EXOC3: variants seen among roughly 807,000 people sequenced by gnomAD.
EXOC3 encodes SEC6-like 1.
A neutral mutation model predicts 73.7 loss-of-function variants in EXOC3; 21 were observed. That is an observed-to-expected ratio of 0.29 (90% CI 0.20 to 0.41). The LOEUF (loss-of-function observed/expected upper bound fraction) is 0.41. Among genes scored for constraint, EXOC3 ranks in the 10% least tolerant of loss-of-function variants. EXOC3 has a pLI of 1.00. For synonymous variants in EXOC3, 410 were observed against 389.1 expected, an observed-to-expected ratio of 1.05 and a Z score of -0.63; for missense variants, 842 against 985.1, an observed-to-expected ratio of 0.85 and a Z score of 1.95.
rs541051033 is a variant in EXOC3, at chr5:465,853, A to G, written c.2066+8A>G. On this transcript the variant is annotated splice_region_variant and intron_variant, in intron 12 of 12. Coordinates refer to ENST00000512944, the MANE Select transcript of EXOC3 (RefSeq NM_007277.5). ...CAAGTATCCAGACATCAGGTAAGGG[A>G]TGCACGTCTTAGAATCCTGCCTTAG... 2.5e-6 allele frequency: 4 copies of G among 1,606,542 alleles called. No homozygotes were observed. The African/African-American group carries it at 5.3e-5, about 21-fold the overall frequency.
intron 12 of EXOC3, 128 bp downstream of exon 12, chr5:465,973 G>T (rs1738136662): frequency 3.8e-6 from 4 of 1,056,060 alleles, no homozygotes; most frequent in African/African-American, 3.2e-5. Flanking sequence ...AAGGGTTCAG[G>T]TGCGGCACAG....
intron 9 of EXOC3, among the ~76,000 whole-genome samples, chr5:463,029 C>T (rs775227410): frequency 1.3e-5 from 2 of 152,162 alleles, no homozygotes; most frequent in East Asian, 1.9e-4. Flanking sequence ...TGCTTGAACC[C>T]GGGAGGTGGA....
At chr5:464,545 C>T in intron 10 of EXOC3, 133 bp downstream of exon 10, 2 of 995,220 alleles carry the variant, frequency 2.0e-6, no homozygotes, top group Non-Finnish European at 3.1e-6. Context: ...CCAAGGGAGG[C>T]AATAGGCTCT....
chr5:462,211 T>G lies in EXOC3; in HGVS notation c.1557T>G (p.Gly519=). ...RKYLKNEVEE[G]VSPSQPSMDG... Reference sequence around the variant, plus strand: ...ATTTAAAGAATGAAGTGGAAGAGGGTGTGTCTCCGAGCCAGCCCAGCATGG... The same window carrying G: ...ATTTAAAGAATGAAGTGGAAGAGGGGGTGTCTCCGAGCCAGCCCAGCATGG... Residue 519 remains glycine, a synonymous_variant, in exon 9 of 13, where the codon GGT becomes GGG. Coordinates refer to ENST00000512944, the MANE Select transcript of EXOC3 (RefSeq NM_007277.5). 2 of 1,613,840 alleles carry G rather than the reference T, an allele frequency of 1.2e-6. No individual in the cohort carries two copies. The highest frequency in any genetic ancestry group is 1.6e-4 in the Middle Eastern group (1 of 6,062).
rs957310547 is a variant in EXOC3 at position 460,584 on chromosome 5, A to C, written c.1391+1125A>C. On this transcript the variant is annotated intron_variant, in intron 7 of 12. Coordinates refer to ENST00000512944, the MANE Select transcript of EXOC3 (RefSeq NM_007277.5). Reference sequence around the variant, plus strand: ...AGTCCCCACTGGCCCTCTTCCATAGAGGTCTTAGCCGAGTCCCCACTGGCC... The same window carrying C: ...AGTCCCCACTGGCCCTCTTCCATAGCGGTCTTAGCCGAGTCCCCACTGGCC... 5.9e-5 allele frequency among the ~76,000 whole-genome samples: 9 copies of C among 151,910 alleles called. No individual in the cohort carries two copies. In the South Asian group the frequency reaches 1.7e-3, roughly 28 times the overall value.
Position 446,140 on chromosome 5 carries a change from ACTC to A in EXOC3, c.-56-7_-56-5del, listed in dbSNP as rs1396495913. 1.3e-6 allele frequency: 2 copies of A among 1,593,336 alleles called. No homozygotes were observed. The highest frequency in any genetic ancestry group is 1.7e-6 in the Non-Finnish European group (2 of 1,161,976). On this transcript the variant is annotated splice_polypyrimidine_tract_variant and splice_region_variant and intron_variant, in intron 1 of 12. Coordinates refer to ENST00000512944, the MANE Select transcript of EXOC3 (RefSeq NM_007277.5). ...ACCTAACATTTCTACCGTCCTAACAACTCCTGCAGTGCACAGAGAACACCCCTA... is the reference window on the plus strand; with the variant it reads ...ACCTAACATTTCTACCGTCCTAACAACTGCAGTGCACAGAGAACACCCCTA...
chr5:449,048 C>T (rs1026102502), intron 3 of EXOC3, among the ~76,000 whole-genome samples: 2 of 152,350 alleles, frequency 1.3e-5, no homozygotes, highest in East Asian at 1.9e-4. Context: ...GGCTACATTT[C>T]CTTCCGGTCT....
chr5:457,099 C>T (rs1381404320), intron 5 of EXOC3, 93 bp downstream of exon 5: 4 of 855,426 alleles, frequency 4.7e-6, no homozygotes, highest in Admixed American at 4.0e-5. Context: ...GGGGAAATGC[C>T]TTAGCGTTGA....
chr5:458,812 A>T, intron 6 of EXOC3, among the ~76,000 whole-genome samples: 1 of 152,230 alleles, frequency 6.6e-6, no homozygotes, highest in East Asian at 1.9e-4. Context: ...CTGGCGGGTG[A>T]CATTTCTCTC....
intron 2 of EXOC3, chr5:447,261 C>T (rs889089088): frequency 1.3e-5 from 5 of 381,150 alleles, no homozygotes; most frequent in African/African-American, 1.0e-4. Flanking sequence ...TCCAGGATCA[C>T]CAGGTGTGAG....
intron 5 of EXOC3, chr5:457,684 G>T: frequency 1.9e-6 from 1 of 518,582 alleles, no homozygotes; most frequent in Non-Finnish European, 3.5e-6. Context: ...TCTGTACCAA[G>T]GGTTCCAGTT....
chr5:463,303 T>C (rs551901698), intron 9 of EXOC3, among the ~76,000 whole-genome samples: 42 of 152,206 alleles, frequency 2.8e-4, no homozygotes, highest in African/African-American at 9.9e-4. Context: ...AAGAAGAAAA[T>C]ATTTACATTT....
At chr5:451,292 T>C (rs1382675275) in intron 3 of EXOC3, among the ~76,000 whole-genome samples, 1 of 152,232 alleles carries the variant, frequency 6.6e-6, no homozygotes, top group Non-Finnish European at 1.5e-5. Flanking sequence ...CAACTTAACT[T>C]CAATAACACA....
chr5:446,457 G>T, intron 2 of EXOC3, 108 bp downstream of exon 2: 1 of 1,066,212 alleles, frequency 9.4e-7, no homozygotes, highest in Non-Finnish European at 1.3e-6. Context: ...GTGCAAGGAG[G>T]CAGAGCTGGA....
chr5:459,005 T>C (rs1348449166), intron 6 of EXOC3, among the ~76,000 whole-genome samples: 1 of 152,118 alleles, frequency 6.6e-6, no homozygotes, highest in Non-Finnish European at 1.5e-5. Flanking sequence ...ATGACAGTCA[T>C]GGGGCCAGGG....
chr5:443,369 C>G (rs1286405706), intron 1 of EXOC3, 79 bp downstream of exon 1: 1 of 153,004 alleles, frequency 6.5e-6, no homozygotes, highest in East Asian at 1.9e-4. Flanking sequence ...CTCCCTGTCT[C>G]TGGCTTCCGC....
Position 447,765 on chromosome 5 carries a change from C to T in EXOC3, c.364+13C>T, listed in dbSNP as rs189486363. On this transcript the variant is annotated intron_variant, in intron 3 of 12. Coordinates refer to ENST00000512944, the MANE Select transcript of EXOC3 (RefSeq NM_007277.5). ...AACATCTTCTCAGGTACCAGCCAGA[C>T]GCCGAGGCACTTGCCCCCACTCACG... is the stretch of plus-strand genomic sequence containing the variant. 934 of 1,516,756 alleles carry T rather than the reference C, an allele frequency of 6.2e-4. 38 individuals are homozygous for T. In the East Asian group the frequency reaches 9.7e-3, roughly 16 times the overall value. 94.0% of individuals were successfully genotyped at this position (1,516,756 alleles called of 1,614,324 possible).
In EXOC3 at chr5:453,022, T is replaced by C. The variant is rs377361978; in HGVS notation, c.365-348T>C. 1.1e-3 allele frequency among the ~76,000 whole-genome samples: 161 copies of C among 152,290 alleles called. 2 individuals carry two copies. In the South Asian group the frequency reaches 0.032, roughly 31 times the overall value. On this transcript the variant is annotated intron_variant, in intron 3 of 12. Coordinates refer to ENST00000512944, the MANE Select transcript of EXOC3 (RefSeq NM_007277.5). ...CAGTGATCTGAGTACAGATCTCCGG[T>C]GTGGAGGACAGGGTTCTTTTTGCCC...
chr5:455,743 A>G (rs1737792186), intron 4 of EXOC3, among the ~76,000 whole-genome samples: 1 of 152,214 alleles, frequency 6.6e-6, no homozygotes, highest in Admixed American at 6.5e-5. Flanking sequence ...ACCTGGGACT[A>G]CAGGCGCGTG....
Sources: allele counts gnomAD v4.1 joint callset (sites outside exome capture counted in the v4.1 genomes callset), GRCh38; gene constraint gnomAD v4.1.1; transcripts MANE v1.5; gene names NCBI Gene and HGNC (gene_info 2026-07-23, HGNC 2026-07-21).